Variants in ILDR2 observed in about 807,000 individuals in gnomAD.
The protein encoded by ILDR2 is immunoglobulin-like domain-containing receptor 2.
Under a neutral mutation model 66.8 loss-of-function variants are expected in ILDR2, and 25 were observed. The ratio of observed to expected loss-of-function variants is 0.37; its 90% CI spans 0.27 to 0.52. The LOEUF (loss-of-function observed/expected upper bound fraction) is 0.52, where lower values mean the gene tolerates loss of function less well. ILDR2 is among the 20% of genes least tolerant of loss of function. ILDR2 has a pLI of 0.88. For synonymous variants in ILDR2, 367 were observed against 357.2 expected (o/e 1.03, Z -0.31); for missense variants, 827 against 876.8 (o/e 0.94, Z 0.72).
downstream of ILDR2, among the ~76,000 whole-genome samples, chr1:166,906,673 G>T (rs1363011096): frequency 6.6e-6 from 1 of 152,162 alleles, no homozygotes; most frequent in Non-Finnish European, 1.5e-5. Context: ...GAGCCAGAAG[G>T]GTTTTAAGCA....
At chr1:166,952,753 T>C (rs1662058059) in intron 3 of ILDR2, among the ~76,000 whole-genome samples, 6 of 152,162 alleles carry the variant, frequency 3.9e-5, no homozygotes, top group Admixed American at 3.9e-4. Context: ...ACCCACGGCC[T>C]CAAGCAGTAA....
chr1:166,916,319 A>G lies in ILDR2; in HGVS notation c.*3036T>C, dbSNP rs563692362. The G allele has an allele frequency of 2.0e-5, 3 of 152,384 alleles. No individual in the cohort carries two copies. The South Asian group carries it at 6.2e-4, about 32-fold the overall frequency. 9.4% of individuals were successfully genotyped at this position (152,384 alleles called of 1,614,324 possible). A position where few individuals can be genotyped will look rare whatever the true frequency, so the allele number is the denominator to read the frequency against. On this transcript the variant is annotated 3_prime_UTR_variant, in exon 10 of 10. Transcript: ENST00000271417. ...ACATACAACACTTTAATATCAAAGT[A>G]TTCTCATTTTTTAAAAAAACTAAAT...
At chr1:166,905,953 T>G (rs1434753204), downstream of ILDR2, among the ~76,000 whole-genome samples, 1 of 152,184 alleles carries the variant, frequency 6.6e-6, no homozygotes, top group Non-Finnish European at 1.5e-5. Context: ...AAGGAATCAG[T>G]TTTTTGGCAA....
chr1:166,919,466 T>G, intron 9 of ILDR2, 76 bp from the exon 10 acceptor site: 9 of 1,408,554 alleles, frequency 6.4e-6, no homozygotes, highest in Non-Finnish European at 8.9e-6. Flanking sequence ...GATGGTTCTC[T>G]GGGCAGAGTC....
In ILDR2 at chr1:166,912,418, T is replaced by C. The variant is rs1339210159; in HGVS notation, c.*6937A>G. 1 of 152,144 alleles carries C rather than the reference T, an allele frequency of 6.6e-6. No homozygotes were observed. The highest frequency in any genetic ancestry group is 2.4e-5 in the African/African-American group (1 of 41,430). 9.4% of individuals were successfully genotyped at this position (152,144 alleles called of 1,614,324 possible). On this transcript the variant is annotated 3_prime_UTR_variant, in exon 10 of 10. Transcript: ENST00000271417. ...CTGAAATATAGGAAAAAAAGATGTG[T>C]AGAAAAAACACGTGGGTGATTCTAA... is the stretch of plus-strand genomic sequence containing the variant.
At chr1:166,935,005 T>G (rs1369350703) in intron 6 of ILDR2, among the ~76,000 whole-genome samples, 4 of 152,212 alleles carry the variant, frequency 2.6e-5, no homozygotes, top group Non-Finnish European at 5.9e-5. Context: ...TAGGTAGGGA[T>G]GAAACAACTA....
At chr1:166,952,322 T>G (rs576009905) in intron 3 of ILDR2, among the ~76,000 whole-genome samples, 47 of 152,208 alleles carry the variant, frequency 3.1e-4, no homozygotes, top group Non-Finnish European at 6.5e-4. Context: ...GGTATGGCCC[T>G]ATGATCCCAA....
intron 1 of ILDR2, among the ~76,000 whole-genome samples, chr1:166,962,511 A>C (rs995763807): frequency 1.3e-5 from 2 of 152,042 alleles, no homozygotes; most frequent in African/African-American, 2.4e-5. Context: ...CATCCATCCA[A>C]CTTCAAAAAA....
At chr1:166,959,777 A>G (rs990058661) in intron 1 of ILDR2, among the ~76,000 whole-genome samples, 6 of 152,180 alleles carry the variant, frequency 3.9e-5, no homozygotes, top group Non-Finnish European at 7.3e-5. Flanking sequence ...TGAATGGGAG[A>G]GTCAAGAGTT....
intron 7 of ILDR2, among the ~76,000 whole-genome samples, chr1:166,926,234 C>T (rs1660279163): frequency 6.6e-6 from 1 of 152,084 alleles, no homozygotes; most frequent in Admixed American, 6.5e-5. Context: ...CACTTCCACA[C>T]CCGCCAGCAC....
chr1:166,895,847 C>A (rs1659158389), exon 3 of ILDR2: 1 of 152,134 alleles, frequency 6.6e-6, no homozygotes, highest in Non-Finnish European at 1.5e-5. Flanking sequence ...AAAGGGAGGA[C>A]AAAATTGTAT....
chr1:166,942,572 C>T (rs1421171967), intron 3 of ILDR2, among the ~76,000 whole-genome samples: 1 of 152,188 alleles, frequency 6.6e-6, no homozygotes, highest in Non-Finnish European at 1.5e-5. Context: ...TGTCTGCAGG[C>T]TGCATAGAGC....
intron 3 of ILDR2, among the ~76,000 whole-genome samples, chr1:166,943,253 G>A (rs535634037): frequency 6.6e-5 from 10 of 152,282 alleles, no homozygotes; most frequent in Admixed American, 2.6e-4. Context: ...AGCACTTTGG[G>A]AGGCAGAGGC....
Position 166,909,782 on chromosome 1 carries a change from T to TATAA in ILDR2, c.*9572_*9573insTTAT, listed in dbSNP as rs1557921387. 5.6e-5 allele frequency: 1 copy of TATAA among 17,882 alleles called. No homozygotes were observed. The highest frequency in any genetic ancestry group is 9.0e-5 in the Non-Finnish European group (1 of 11,114). 1.1% of individuals were successfully genotyped at this position (17,882 alleles called of 1,614,324 possible). A position where few individuals can be genotyped will look rare whatever the true frequency, so the allele number is the denominator to read the frequency against. On this transcript the variant is annotated 3_prime_UTR_variant, in exon 10 of 10. Coordinates refer to ENST00000271417, the MANE Select transcript of ILDR2 (RefSeq NM_199351.3). ...ATAAATATATATAAATATATATATT[T>TATAA]ATATATATATATATATATATATATC...
chr1:166,967,295 T>G (rs552443168), intron 1 of ILDR2, among the ~76,000 whole-genome samples: 5 of 152,202 alleles, frequency 3.3e-5, no homozygotes, highest in African/African-American at 1.2e-4. Flanking sequence ...CCCCACAGAT[T>G]TGGACTCTTA....
At chr1:166,940,357 T>G (rs1053018464) in intron 3 of ILDR2, among the ~76,000 whole-genome samples, 12 of 152,198 alleles carry the variant, frequency 7.9e-5, no homozygotes, top group African/African-American at 2.9e-4. Flanking sequence ...ACTAGCCTGA[T>G]TTACAGAAAG....
chr1:166,939,427 G>T, intron 4 of ILDR2, 87 bp downstream of exon 4: 1 of 1,094,202 alleles, frequency 9.1e-7, no homozygotes, highest in Non-Finnish European at 1.4e-6. Flanking sequence ...TGGCAATAAA[G>T]TAAAGAAGCA....
intron 1 of ILDR2, among the ~76,000 whole-genome samples, chr1:166,970,110 A>G (rs1243347812): frequency 6.6e-6 from 1 of 152,242 alleles, no homozygotes; most frequent in Non-Finnish European, 1.5e-5. Context: ...TTGGGACTAG[A>G]AGGGACATTC....
At chr1:166,964,153 A>T (rs1482839865) in intron 1 of ILDR2, among the ~76,000 whole-genome samples, 1 of 151,844 alleles carries the variant, frequency 6.6e-6, no homozygotes, top group African/African-American at 2.4e-5. Context: ...AAAAAAAAAA[A>T]ATTTAAGAAT....
Sources: allele counts gnomAD v4.1 joint callset (sites outside exome capture counted in the v4.1 genomes callset), GRCh38; gene constraint gnomAD v4.1.1; transcripts MANE v1.5; gene names NCBI Gene and HGNC (gene_info 2026-07-23, HGNC 2026-07-21).